Variants in CRIP2 observed in about 807,000 individuals in gnomAD.
CRIP2 encodes cysteine-rich protein 2.
Under a neutral mutation model 31.3 loss-of-function variants are expected in CRIP2, and 31 were observed. The observed-to-expected ratio is 0.99, with a 90% CI of 0.74 to 1.34. The LOEUF is 1.34. Ranked by LOEUF, CRIP2 falls within the 40% of genes most tolerant of loss-of-function variation. The pLI, the probability that CRIP2 is intolerant of heterozygous loss-of-function variation, is 0.00. For missense variants in CRIP2, 389 were observed against 301.6 expected, an observed-to-expected ratio of 1.29 and a Z score of -2.15; for synonymous variants, 177 against 127.2, an observed-to-expected ratio of 1.39 and a Z score of -2.63.
chr14:105,477,251 A>G (rs2083951565), intron 1 of CRIP2: 1 of 984,572 alleles, frequency 1.0e-6, no homozygotes, highest in Non-Finnish European at 1.2e-6. Flanking sequence ...GAAGCAGTCC[A>G]GTAGCCCCAG....
chr14:105,477,842 C>G (rs1283009590), intron 1 of CRIP2, among the ~76,000 whole-genome samples: 3 of 74,318 alleles, frequency 4.0e-5, no homozygotes, highest in Non-Finnish European at 8.5e-5. Context: ...GGGTGTGAGG[C>G]GGGTGTCCGG....
chr14:105,478,257 C>G lies in CRIP2; in HGVS notation c.44-9C>G. 1 of 1,537,998 alleles carries G rather than the reference C, an allele frequency of 6.5e-7. No individual in the cohort carries two copies. The highest frequency in any genetic ancestry group is 2.0e-5 in the Admixed American group (1 of 50,530). ...CGGCCCTGACCCCCCTGCCGCCCCT[C>G]CCGCTCAGCCGAGAAGGTGAGCTCC... On this transcript the variant is annotated splice_polypyrimidine_tract_variant and intron_variant, in intron 1 of 7. Coordinates refer to ENST00000329146, the MANE Select transcript of CRIP2 (RefSeq NM_001312.4). This position sits in a 1 kb window ranked among gnomAD's most constrained non-coding sequence, Gnocchi z 4.9.
rs1555436549 is a variant in CRIP2 at position 105,478,869 on chromosome 14, G to T, written c.335G>T (p.Arg112Ile). 1 of 1,440,542 alleles carries T rather than the reference G, an allele frequency of 6.9e-7. No homozygotes were observed. Among genetic ancestry groups the T allele is most frequent in the African/African-American group, 1.5e-5 (1 of 67,204 alleles). 89.2% of individuals were successfully genotyped at this position (1,440,542 alleles called of 1,614,324 possible). Residue 112 changes from arginine (R) to isoleucine (I), a missense_variant and splice_region_variant, in exon 4 of 8, where the codon AGA becomes ATA. Arg to Ile is a moderately conservative substitution (Grantham distance 97, BLOSUM62 -3). Transcript: ENST00000329146. The surrounding 1 kb of genome is among the most constrained non-coding windows in gnomAD (Gnocchi z 4.9). ...AGCGGCCCCCCGAAGGGGCCCAGCA[G>T]AGGTGGGCTGGGCGCGGGCTGGGGC... ...KASGPPKGPSRASSVTTFTGE... is the reference protein window; with the variant it reads ...KASGPPKGPSIASSVTTFTGE...
At chr14:105,473,077 G>A (rs1251994014), upstream of CRIP2, 6 of 716,968 alleles carry the variant, frequency 8.4e-6, no homozygotes, top group African/African-American at 1.1e-4. Context: ...AAGTCAGGGA[G>A]GGTAATGGCT....
chr14:105,476,292 C>G, intron 1 of CRIP2: 1 of 985,550 alleles, frequency 1.0e-6, no homozygotes, highest in Non-Finnish European at 1.2e-6. Flanking sequence ...CCCGCCCAGC[C>G]TCTCAGCGGA....
upstream of CRIP2, among the ~76,000 whole-genome samples, chr14:105,473,877 G>A (rs1368988353): frequency 1.3e-5 from 2 of 152,172 alleles, no homozygotes; most frequent in African/African-American, 4.8e-5. Flanking sequence ...TGGGCCCCCA[G>A]GCACGCAGCT....
In CRIP2 at chr14:105,478,981, T is replaced by G. The variant is rs1567063413; in HGVS notation, c.340T>G (p.Ser114Ala). ...GCCCTGACTCGTGCGCCCCACAGCC[T>G]CCAGTGTCACCACTTTCACCGGGGA... is the stretch of plus-strand genomic sequence containing the variant. ...SGPPKGPSRA[S>A]SVTTFTGEPN... is the part of the protein sequence containing the mutation. Residue 114 changes from serine to alanine, a missense_variant and splice_region_variant, in exon 5 of 8, where the codon TCC becomes GCC. Physicochemically the swap from Ser to Ala is moderately conservative, Grantham distance 99 (BLOSUM62 1). Coordinates refer to ENST00000329146, the MANE Select transcript of CRIP2 (RefSeq NM_001312.4). This position sits in a 1 kb window ranked among gnomAD's most constrained non-coding sequence, Gnocchi z 4.9. 1.9e-6 allele frequency: 3 copies of G among 1,562,388 alleles called. No homozygotes were observed. Among genetic ancestry groups the G allele is most frequent in the Non-Finnish European group, 2.6e-6 (3 of 1,157,490 alleles).
chr14:105,478,046 G>T lies in CRIP2; in HGVS notation c.44-220G>T, dbSNP rs1181724324. Among the ~76,000 whole-genome samples the T allele has an allele frequency of 6.6e-6, 1 of 151,802 alleles. No individual in the cohort carries two copies. Among genetic ancestry groups the T allele is most frequent in the Non-Finnish European group, 1.5e-5 (1 of 67,904 alleles). On this transcript the variant is annotated intron_variant, in intron 1 of 7. Coordinates refer to ENST00000329146, the MANE Select transcript of CRIP2 (RefSeq NM_001312.4). This position sits in a 1 kb window ranked among gnomAD's most constrained non-coding sequence, Gnocchi z 4.9. ...GCGGCTCTAGCGGGGTTCCAGGGCT[G>T]GGGGCGCTGAGACCCAGAGGGAGAA...
At chr14:105,479,304 G>A in intron 6 of CRIP2, 85 bp downstream of exon 6, 1 of 1,505,940 alleles carries the variant, frequency 6.6e-7, no homozygotes, top group South Asian at 1.2e-5. Context: ...TAGAGGGGAT[G>A]GGGGGTGGTG....
chr14:105,479,691 C>G lies in CRIP2; in HGVS notation c.*38C>G. The G allele has an allele frequency of 6.3e-7, 1 of 1,592,448 alleles. No homozygotes were observed. Among genetic ancestry groups the G allele is most frequent in the Non-Finnish European group, 8.5e-7 (1 of 1,170,440 alleles). Reference sequence around the variant, plus strand: ...CTCATGATGTGGGCTCACCTGCGCCCCAGACCCTGCAGGGGCCCCCCTGCT... The same window carrying G: ...CTCATGATGTGGGCTCACCTGCGCCGCAGACCCTGCAGGGGCCCCCCTGCT... On this transcript the variant is annotated 3_prime_UTR_variant, in exon 8 of 8. Transcript: ENST00000329146.
chr14:105,478,301 A>C lies in CRIP2; in HGVS notation c.79A>C (p.Lys27Gln). The change falls in exon 2 of 8, where the codon AAG (lysine) becomes CAG (glutamine). Residue 27 changes from lysine to glutamine, a missense_variant. Transcript: ENST00000329146. This position sits in a 1 kb window ranked among gnomAD's most constrained non-coding sequence, Gnocchi z 4.9. ...GAGCTCCCTGGGGAAGGACTGGCAC[A>C]AGTTCTGCCTCAAGTGCGAGCGCTG... The part of the protein sequence containing the change: ...KVSSLGKDWH[K>Q]FCLKCERCSK... The C allele has an allele frequency of 6.4e-7, 1 of 1,573,384 alleles. No homozygotes were observed.
At position 105,478,907 on chromosome 14, in the gene CRIP2, G is replaced by C; in HGVS notation, c.337+36G>C. On this transcript the variant is annotated intron_variant, in intron 4 of 7. Transcript: ENST00000329146. This position sits in a 1 kb window ranked among gnomAD's most constrained non-coding sequence, Gnocchi z 4.9. Reference sequence around the variant, plus strand: ...CGCGGGCTGGGGCTGGGGGTTGTGGGCACGCGCGGGCTGGGGCTGGGGGTT... The same window carrying C: ...CGCGGGCTGGGGCTGGGGGTTGTGGCCACGCGCGGGCTGGGGCTGGGGGTT... 3 of 1,483,294 alleles carry C rather than the reference G, an allele frequency of 2.0e-6. No individual in the cohort carries two copies. Among genetic ancestry groups the C allele is most frequent in the Non-Finnish European group, 2.7e-6 (3 of 1,124,172 alleles). 91.9% of individuals were successfully genotyped at this position (1,483,294 alleles called of 1,614,324 possible). A position where few individuals can be genotyped will look rare whatever the true frequency, so the allele number is the denominator to read the frequency against.
Position 105,474,954 on chromosome 14 carries a change from C to G in CRIP2, c.43+49C>G. ...CCGCTCGGTGCATCCCGCCGCCCTT[C>G]GCGGCCAGTCCCGCGCCGCAGAGCC... On this transcript the variant is annotated intron_variant, in intron 1 of 7. Transcript: ENST00000329146. The surrounding 1 kb of genome is among the most constrained non-coding windows in gnomAD (Gnocchi z 5.1). 1 of 1,464,396 alleles carries G rather than the reference C, an allele frequency of 6.8e-7. No homozygotes were observed. The highest frequency in any genetic ancestry group is 9.1e-7 in the Non-Finnish European group (1 of 1,103,952). The allele number at this position is 1,464,396 out of a possible 1,614,324, so 90.7% of individuals were successfully genotyped here.
At chr14:105,476,415 C>A in intron 1 of CRIP2, 3 of 985,518 alleles carry the variant, frequency 3.0e-6, no homozygotes, top group Non-Finnish European at 3.6e-6. Flanking sequence ...CAGCTCATAC[C>A]TGAGTAGAAC....
chr14:105,478,924 C>T lies in CRIP2; in HGVS notation c.337+53C>T, dbSNP rs2084018600. On this transcript the variant is annotated intron_variant, in intron 4 of 7. Transcript: ENST00000329146. This position sits in a 1 kb window ranked among gnomAD's most constrained non-coding sequence, Gnocchi z 4.9. Reference sequence around the variant, plus strand: ...GGTTGTGGGCACGCGCGGGCTGGGGCTGGGGGTTGTGGGCACCCCCGGCCC... The same window carrying T: ...GGTTGTGGGCACGCGCGGGCTGGGGTTGGGGGTTGTGGGCACCCCCGGCCC... 2.0e-6 allele frequency: 3 copies of T among 1,522,818 alleles called. No homozygotes were observed. The Admixed American group carries it at 6.1e-5, about 31-fold the overall frequency. 94.3% of individuals were successfully genotyped at this position (1,522,818 alleles called of 1,614,324 possible). A position where few individuals can be genotyped will look rare whatever the true frequency, so the allele number is the denominator to read the frequency against.
Position 105,478,397 on chromosome 14 carries a change from T to A in CRIP2, c.138+37T>A. The A allele has an allele frequency of 6.5e-7, 1 of 1,541,310 alleles. No homozygotes were observed. The highest frequency in any genetic ancestry group is 8.7e-7 in the Non-Finnish European group (1 of 1,150,750). ...TGCGCGGCGCGGGCGGGGGCGGGGG[T>A]CGCGACTCCCGCCACCCTCAGGCAG... On this transcript the variant is annotated intron_variant, in intron 2 of 7. Coordinates refer to ENST00000329146, the MANE Select transcript of CRIP2 (RefSeq NM_001312.4). The surrounding 1 kb of genome is among the most constrained non-coding windows in gnomAD (Gnocchi z 4.9).
upstream of CRIP2, chr14:105,474,818 G>T: frequency 7.3e-7 from 1 of 1,377,004 alleles, no homozygotes. The surrounding 1 kb of genome is among the most constrained non-coding windows in gnomAD (Gnocchi z 5.1). Context: ...GCGGCGGCCC[G>T]GAGGAGAACG....
At chr14:105,475,656 G>A (rs1555435647) in intron 1 of CRIP2, among the ~76,000 whole-genome samples, 1 of 152,214 alleles carries the variant, frequency 6.6e-6, no homozygotes, top group African/African-American at 2.4e-5. Context: ...GGTGGTGGCG[G>A]GAAGAGGGAT....
upstream of CRIP2, chr14:105,473,530 GC>G (rs1567058407): frequency 6.5e-7 from 1 of 1,531,166 alleles, no homozygotes; most frequent in East Asian, 2.4e-5. Context: ...TCCGTGTCCA[GC>G]CCACAGCCTC....
Sources: allele counts gnomAD v4.1 joint callset (sites outside exome capture counted in the v4.1 genomes callset), GRCh38; gene constraint gnomAD v4.1.1; non-coding constraint Gnocchi (gnomAD v3.1); transcripts MANE v1.5; gene names NCBI Gene and HGNC (gene_info 2026-07-23, HGNC 2026-07-21).